ATXN1: variants seen among roughly 807,000 people sequenced by gnomAD.
The protein encoded by ATXN1 is ataxin-1.
Under a neutral mutation model 56.4 loss-of-function variants are expected in ATXN1, and 8 were observed. The ratio of observed to expected loss-of-function variants is 0.14; its 90% CI spans 0.08 to 0.26. The LOEUF (loss-of-function observed/expected upper bound fraction) is 0.26, where lower values mean the gene tolerates loss of function less well. ATXN1 is among the 10% of genes least tolerant of loss of function. The pLI is 1.00. For synonymous variants in ATXN1, 514 were observed against 494.6 expected (o/e 1.04, Z -0.52); for missense variants, 987 against 1,106.5 (o/e 0.89, Z 1.53).
At chr6:16,631,776 A>G (rs1337239243) in intron 3 of ATXN1, among the ~76,000 whole-genome samples, 1 of 152,232 alleles carries the variant, frequency 6.6e-6, no homozygotes, top group Non-Finnish European at 1.5e-5. Context: ...GTTTTGTTTC[A>G]GATCCCACCA....
chr6:16,425,007 AC>A (rs1759120518), intron 6 of ATXN1, among the ~76,000 whole-genome samples: 1 of 152,228 alleles, frequency 6.6e-6, no homozygotes, highest in Non-Finnish European at 1.5e-5. Context: ...ACCTTTGCAG[AC>A]TATTCCCTAA....
At chr6:16,507,381 C>T (rs185694729) in intron 5 of ATXN1, among the ~76,000 whole-genome samples, 53 of 152,324 alleles carry the variant, frequency 3.5e-4, no homozygotes, top group Non-Finnish European at 6.0e-4. Flanking sequence ...AACTCTGAAA[C>T]GTTCCTCATG....
intron 6 of ATXN1, among the ~76,000 whole-genome samples, chr6:16,349,118 C>T (rs559268835): frequency 2.3e-4 from 35 of 152,344 alleles, no homozygotes; most frequent in African/African-American, 8.4e-4. Flanking sequence ...TCAAGACCTA[C>T]AATTACTGGC....
intron 6 of ATXN1, among the ~76,000 whole-genome samples, chr6:16,437,429 G>A (rs1441085848): frequency 6.6e-6 from 1 of 152,212 alleles, no homozygotes; most frequent in East Asian, 1.9e-4. Context: ...GTGCACAGCA[G>A]ATCTCAGCGC....
At chr6:16,545,442 G>C (rs1003823749) in intron 4 of ATXN1, among the ~76,000 whole-genome samples, 2 of 151,806 alleles carry the variant, frequency 1.3e-5, no homozygotes, top group African/African-American at 4.8e-5. Context: ...AGCTGAAAAG[G>C]CCACAGCATG....
chr6:16,625,561 T>G (rs1316277051), intron 3 of ATXN1, among the ~76,000 whole-genome samples: 1 of 152,072 alleles, frequency 6.6e-6, no homozygotes, highest in Non-Finnish European at 1.5e-5. Flanking sequence ...AGGCAATTTT[T>G]CAATCAGCAT....
chr6:16,376,687 T>C (rs114085835), intron 6 of ATXN1, among the ~76,000 whole-genome samples: 2,523 of 152,316 alleles, frequency 0.017, 37 homozygotes, highest in Non-Finnish European at 0.022. Flanking sequence ...TTCAGGAGAA[T>C]CGAGAATACA....
At chr6:16,334,816 C>T (rs143366995) in intron 6 of ATXN1, among the ~76,000 whole-genome samples, 13 of 152,250 alleles carry the variant, frequency 8.5e-5, no homozygotes, top group African/African-American at 2.2e-4. Context: ...TGCAAAGGCA[C>T]GTGGGAAGGA....
intron 4 of ATXN1, among the ~76,000 whole-genome samples, chr6:16,580,284 T>C (rs2113759573): frequency 6.6e-6 from 1 of 152,356 alleles, no homozygotes; most frequent in South Asian, 2.1e-4. Context: ...CTCACATTCC[T>C]GAATTTAGAA....
intron 6 of ATXN1, among the ~76,000 whole-genome samples, chr6:16,412,685 A>C (rs1314371208): frequency 6.6e-6 from 1 of 152,172 alleles, no homozygotes; most frequent in African/African-American, 2.4e-5. Flanking sequence ...CACCCTAAGA[A>C]ATTTGAAGGG....
chr6:16,690,273 G>A (rs1406052174), intron 2 of ATXN1, among the ~76,000 whole-genome samples: 1 of 151,894 alleles, frequency 6.6e-6, no homozygotes, highest in Non-Finnish European at 1.5e-5. Context: ...AGGAGGAAGA[G>A]AGTCATGATG....
At chr6:16,616,376 C>T (rs1023067175) in intron 3 of ATXN1, among the ~76,000 whole-genome samples, 8 of 151,204 alleles carry the variant, frequency 5.3e-5, no homozygotes, top group Non-Finnish European at 8.8e-5. Context: ...CCTGTCTCTA[C>T]TAAAAATACA....
intron 4 of ATXN1, among the ~76,000 whole-genome samples, chr6:16,563,088 A>G (rs1272274336): frequency 1.3e-5 from 2 of 152,072 alleles, no homozygotes; most frequent in Non-Finnish European, 2.9e-5. Context: ...GTGAGACAGG[A>G]GCAACGGACA....
intron 1 of ATXN1, among the ~76,000 whole-genome samples, chr6:16,755,711 C>G (rs1011332346): frequency 6.7e-6 from 1 of 150,076 alleles, no homozygotes; most frequent in African/African-American, 2.4e-5. Context: ...TAAAGGGCAC[C>G]TAAGTGTAAA....
chr6:16,647,655 A>G (rs914990177), intron 3 of ATXN1, among the ~76,000 whole-genome samples: 25 of 152,264 alleles, frequency 1.6e-4, no homozygotes, highest in Admixed American at 1.5e-3. Context: ...CATGCAAGAA[A>G]AAATAACTAT....
intron 2 of ATXN1, among the ~76,000 whole-genome samples, chr6:16,675,111 T>C (rs1758633573): frequency 6.6e-6 from 1 of 152,208 alleles, no homozygotes; most frequent in Non-Finnish European, 1.5e-5. Flanking sequence ...CTCTGAAGTC[T>C]AGGGGGAGGT....
chr6:16,704,603 G>A (rs1046759946), intron 2 of ATXN1, among the ~76,000 whole-genome samples: 2 of 152,158 alleles, frequency 1.3e-5, no homozygotes, highest in South Asian at 2.1e-4. Context: ...CACTCCGGTC[G>A]GTAATTTCTG....
intron 6 of ATXN1, among the ~76,000 whole-genome samples, chr6:16,477,664 C>G (rs1011523179): frequency 2.0e-5 from 3 of 152,200 alleles, no homozygotes; most frequent in African/African-American, 7.2e-5. Flanking sequence ...ACTCTGCATG[C>G]CAGTGCTGAT....
At chr6:16,738,536 T>G (rs1313459754) in intron 2 of ATXN1, 1 of 152,106 alleles carries the variant, frequency 6.6e-6, no homozygotes, top group African/African-American at 2.4e-5. Flanking sequence ...TGCAAATAGG[T>G]GAAGTATGTG....
Sources: gnomAD v4.1 joint callset for allele counts (sites outside exome capture counted in the v4.1 genomes callset) on GRCh38, gnomAD v4.1.1 for gene constraint, MANE v1.5 for transcripts, NCBI Gene and HGNC (gene_info 2026-07-23, HGNC 2026-07-21) for gene names.